Variants in CFAP54 observed in about 807,000 individuals in gnomAD.
CFAP54 encodes the protein cilia- and flagella-associated protein 54.
A neutral mutation model predicts 370.4 loss-of-function variants in CFAP54; 290 were observed. That is an observed-to-expected ratio of 0.78 (90% CI 0.71 to 0.86). The LOEUF (loss-of-function observed/expected upper bound fraction) is 0.86, where lower values mean the gene tolerates loss of function less well. Among genes scored for constraint, CFAP54 ranks in the 40% least tolerant of loss-of-function variants. The pLI is 0.00. For synonymous variants in CFAP54, 1,206 were observed against 1,236.5 expected, an observed-to-expected ratio of 0.98 and a Z score of 0.52; for missense variants, 3,399 against 3,528.7, an observed-to-expected ratio of 0.96 and a Z score of 0.93.
intron 58 of CFAP54, among the ~76,000 whole-genome samples, chr12:96,761,981 A>G (rs1958344786): frequency 1.3e-5 from 2 of 152,216 alleles, no homozygotes; most frequent in East Asian, 3.9e-4. Flanking sequence ...TTTGCATTTC[A>G]CTATCTATTT....
intron 1 of CFAP54, among the ~76,000 whole-genome samples, chr12:96,495,250 TTCCTTC>T (rs1954937099): frequency 1.4e-3 from 47 of 34,388 alleles, no homozygotes; most frequent in African/African-American, 4.4e-3. Flanking sequence ...CCTTCCTTCC[TTCCTTC>T]CTTCCTTCCT....
intron 65 of CFAP54, among the ~76,000 whole-genome samples, chr12:96,821,573 C>G (rs556072825): frequency 1.3e-5 from 2 of 152,108 alleles, no homozygotes; most frequent in South Asian, 4.2e-4. Context: ...AAGAATATCA[C>G]CAGACAGAAG....
intron 22 of CFAP54, among the ~76,000 whole-genome samples, chr12:96,584,309 C>CA: frequency 6.6e-6 from 1 of 152,034 alleles, no homozygotes; most frequent in South Asian, 2.1e-4. Flanking sequence ...ATTAAAAATA[C>CA]AAAAATTAGC....
chr12:96,540,146 A>G (rs773045655), intron 13 of CFAP54: 1 of 152,160 alleles, frequency 6.6e-6, no homozygotes, highest in Admixed American at 6.6e-5. Context: ...TCTTTTGCCC[A>G]GGCTGGAGTG....
chr12:96,690,645 ATTTG>A lies in CFAP54; in HGVS notation c.6082-463_6082-460del, dbSNP rs537000580. Among the ~76,000 whole-genome samples, 39 of 151,590 alleles carry A rather than the reference ATTTG, an allele frequency of 2.6e-4. No individual in the cohort carries two copies. The South Asian group carries it at 4.6e-3, about 18-fold the overall frequency. ...AGTGGAAAGAACATAGTTTTTTTTTATTTGTTTGTTTGTTTGTTTGTTTTTTAGC... is the reference window on the plus strand; with the variant it reads ...AGTGGAAAGAACATAGTTTTTTTTTATTTGTTTGTTTGTTTGTTTTTTAGC... On this transcript the variant is annotated intron_variant, in intron 43 of 67. Transcript: ENST00000524981.
At chr12:96,580,883 T>G (rs904163618) in intron 21 of CFAP54, 37 bp from the exon 22 acceptor site, 28 of 1,336,072 alleles carry the variant, frequency 2.1e-5, no homozygotes, top group Middle Eastern at 3.8e-4. Flanking sequence ...TTATTTTAAT[T>G]TTTCATGTAT....
At chr12:96,495,207 T>G (rs1954935869) in intron 1 of CFAP54, among the ~76,000 whole-genome samples, 1 of 152,142 alleles carries the variant, frequency 6.6e-6, no homozygotes, top group Admixed American at 6.5e-5. Flanking sequence ...TGAGGTATTC[T>G]GCTTATATAG....
chr12:96,855,153 G>C (rs1228722821), intron 66 of CFAP54, among the ~76,000 whole-genome samples: 3 of 152,076 alleles, frequency 2.0e-5, no homozygotes, highest in Non-Finnish European at 4.4e-5. Context: ...ACTATTACGA[G>C]AACAGTATGA....
chr12:96,809,155 C>T (rs998905813), intron 63 of CFAP54, among the ~76,000 whole-genome samples: 2 of 152,078 alleles, frequency 1.3e-5, no homozygotes, highest in South Asian at 2.1e-4. Flanking sequence ...TTCCATGATG[C>T]GCATTGGTGT....
chr12:96,504,193 A>G (rs1457673728), intron 3 of CFAP54, among the ~76,000 whole-genome samples, 164 bp downstream of exon 3: 1 of 152,264 alleles, frequency 6.6e-6, no homozygotes, highest in Admixed American at 6.5e-5. Context: ...AAGTGAACTT[A>G]TCAAGCTTTG....
chr12:96,841,369 T>C (rs1341774638), intron 66 of CFAP54, among the ~76,000 whole-genome samples: 1 of 152,246 alleles, frequency 6.6e-6, no homozygotes, highest in Non-Finnish European at 1.5e-5. Context: ...TTAGTTTCCT[T>C]TCCTTCATTC....
intron 51 of CFAP54, 87 bp from the exon 52 acceptor site, chr12:96,742,352 C>A (rs1409261266): frequency 2.3e-6 from 2 of 865,088 alleles, no homozygotes; most frequent in African/African-American, 1.7e-5. Flanking sequence ...ATACCAGATG[C>A]CTTTTAAACT....
At chr12:96,616,608 G>A (rs1019684994) in intron 26 of CFAP54, among the ~76,000 whole-genome samples, 2 of 152,170 alleles carry the variant, frequency 1.3e-5, no homozygotes, top group Non-Finnish European at 2.9e-5. Flanking sequence ...GCAAATATTA[G>A]GTTGGGAAAA....
At chr12:96,810,129 C>T (rs907272115) in intron 63 of CFAP54, among the ~76,000 whole-genome samples, 16 of 151,680 alleles carry the variant, frequency 1.1e-4, no homozygotes, top group African/African-American at 3.6e-4. Flanking sequence ...TCCCTGTTTG[C>T]AGTGCCACCT....
At chr12:96,567,639 T>C (rs1955876062) in intron 19 of CFAP54, among the ~76,000 whole-genome samples, 1 of 152,162 alleles carries the variant, frequency 6.6e-6, no homozygotes, top group Admixed American at 6.6e-5. Context: ...ATAAACCTTA[T>C]CTTTATTTTA....
intron 58 of CFAP54, among the ~76,000 whole-genome samples, chr12:96,762,310 CTGTT>C (rs1360056168): frequency 1.3e-5 from 2 of 152,178 alleles, no homozygotes; most frequent in Non-Finnish European, 1.5e-5. Context: ...GTTTGTGTGT[CTGTT>C]TGTGTATTCC....
chr12:96,576,571 A>G lies in CFAP54; in HGVS notation c.2620-14A>G. 1 of 1,485,458 alleles carries G rather than the reference A, an allele frequency of 6.7e-7. No individual in the cohort carries two copies. Among genetic ancestry groups the G allele is most frequent in the South Asian group, 1.3e-5 (1 of 78,948 alleles). The allele number at this position is 1,485,458 out of a possible 1,614,324, so 92.0% of individuals were successfully genotyped here. A position where few individuals can be genotyped will look rare whatever the true frequency, so the allele number is the denominator to read the frequency against. ...TCTTGACATATATTTTTCTATTTTC[A>G]TATTTCATTATAGGAAGCATATTCC... On this transcript the variant is annotated splice_polypyrimidine_tract_variant and intron_variant, in intron 19 of 67. Coordinates refer to ENST00000524981, the MANE Select transcript of CFAP54 (RefSeq NM_001306084.2).
intron 15 of CFAP54, among the ~76,000 whole-genome samples, chr12:96,549,439 T>G (rs1032350149): frequency 9.2e-5 from 14 of 152,340 alleles, no homozygotes; most frequent in Non-Finnish European, 1.6e-4. Flanking sequence ...TATTACCATC[T>G]GCTGGGAAAT....
rs767484536 is a variant in CFAP54, at chr12:96,784,891, G to A, written c.8455+1G>A. 6.6e-7 allele frequency: 1 copy of A among 1,508,380 alleles called. No individual in the cohort carries two copies. Among genetic ancestry groups the A allele is most frequent in the South Asian group, 1.3e-5 (1 of 78,826 alleles). The allele number at this position is 1,508,380 out of a possible 1,614,324, so 93.4% of individuals were successfully genotyped here. On this transcript the variant is annotated splice_donor_variant, in intron 61 of 67. Transcript: ENST00000524981. LOFTEE classifies it high-confidence loss of function. ...ATTAATAATCTGAGCAAACTGCTAGGTAGGTTTTTTGATGTGTTAAGAGAG... is the reference window on the plus strand; with the variant it reads ...ATTAATAATCTGAGCAAACTGCTAGATAGGTTTTTTGATGTGTTAAGAGAG...
Sources: allele counts gnomAD v4.1 joint callset (sites outside exome capture counted in the v4.1 genomes callset), GRCh38; gene constraint gnomAD v4.1.1; transcripts MANE v1.5; gene names NCBI Gene and HGNC (gene_info 2026-07-23, HGNC 2026-07-21).